The following NOVA1 variants were observed in gnomAD, a reference collection of about 807,000 sequenced individuals.
NOVA1 encodes the protein RNA-binding protein Nova-1.
In NOVA1, 7 loss-of-function variants were observed where a neutral mutation model predicts 38.0. The ratio of observed to expected loss-of-function variants is 0.18; its 90% CI spans 0.10 to 0.35. The LOEUF is 0.35. Among genes scored for constraint, NOVA1 ranks in the 10% least tolerant of loss-of-function variants. The pLI is 1.00. For synonymous variants in NOVA1, 270 were observed against 232.5 expected (o/e 1.16, Z -1.47); for missense variants, 460 against 616.0 (o/e 0.75, Z 2.68).
chr14:26,578,492 G>A lies in NOVA1; in HGVS notation c.280+16918C>T, dbSNP rs141386452. On this transcript the variant is annotated intron_variant, in intron 2 of 4. Transcript: ENST00000539517. ...CTAAGTAGGTAAGATGGAATGGAAT[G>A]GAATATAGAAAAAAAGTAGAGGTAG... is the stretch of plus-strand genomic sequence containing the variant. 1.8e-3 allele frequency among the ~76,000 whole-genome samples: 271 copies of A among 152,022 alleles called. 1 individual carries two copies. The highest frequency in any genetic ancestry group is 6.2e-3 in the African/African-American group (259 of 41,494).
At chr14:26,565,033 T>C (rs1013793050) in intron 2 of NOVA1, among the ~76,000 whole-genome samples, 1 of 152,156 alleles carries the variant, frequency 6.6e-6, no homozygotes, top group African/African-American at 2.4e-5. Flanking sequence ...GGAAAGTAGC[T>C]ACAGGTGTAG....
chr14:26,479,010 T>A (rs1885216951), intron 3 of NOVA1: 1 of 151,860 alleles, frequency 6.6e-6, no homozygotes, highest in Non-Finnish European at 1.5e-5. Flanking sequence ...CATAACACTG[T>A]TCAGTATAAT....
chr14:26,472,482 A>G (rs925874635), intron 3 of NOVA1, 91 bp from the exon 4 acceptor site: 2 of 541,500 alleles, frequency 3.7e-6, no homozygotes, highest in Non-Finnish European at 5.9e-6. Context: ...AATGTAATAT[A>G]ACGAGAACAA....
chr14:26,504,552 G>C (rs1166133873), intron 2 of NOVA1, among the ~76,000 whole-genome samples: 1 of 152,098 alleles, frequency 6.6e-6, no homozygotes, highest in East Asian at 1.9e-4. Flanking sequence ...GCTAAAGCAG[G>C]TAGTCCTCTG....
intron 2 of NOVA1, among the ~76,000 whole-genome samples, chr14:26,542,553 G>C (rs1890528137): frequency 6.6e-6 from 1 of 151,784 alleles, no homozygotes; most frequent in African/African-American, 2.4e-5. Context: ...ATGTCTGAAT[G>C]AAACAGAACT....
At chr14:26,503,742 A>C (rs2138418698) in intron 2 of NOVA1, among the ~76,000 whole-genome samples, 1 of 152,226 alleles carries the variant, frequency 6.6e-6, no homozygotes, top group South Asian at 2.1e-4. Flanking sequence ...CTTAGGGTTC[A>C]ACATCCAGAG....
At chr14:26,529,057 C>T (rs1356817469) in intron 2 of NOVA1, among the ~76,000 whole-genome samples, 1 of 151,974 alleles carries the variant, frequency 6.6e-6, no homozygotes, top group Non-Finnish European at 1.5e-5. Flanking sequence ...CCCGATCACC[C>T]TACTAGGAGG....
chr14:26,584,573 C>T (rs1421020227), intron 2 of NOVA1, among the ~76,000 whole-genome samples: 1 of 151,192 alleles, frequency 6.6e-6, no homozygotes, highest in East Asian at 1.9e-4. Flanking sequence ...ATCTATAGTG[C>T]CTCCTACCAC....
intron 4 of NOVA1, among the ~76,000 whole-genome samples, chr14:26,468,573 C>T (rs963117856): frequency 6.6e-6 from 1 of 152,092 alleles, no homozygotes; most frequent in Non-Finnish European, 1.5e-5. Context: ...AAAACTAATA[C>T]AGGATTGAAA....
At chr14:26,513,703 A>G (rs1888263007) in intron 2 of NOVA1, among the ~76,000 whole-genome samples, 1 of 151,774 alleles carries the variant, frequency 6.6e-6, no homozygotes, top group Admixed American at 6.6e-5. Flanking sequence ...AAAACAGATA[A>G]AAATACTGAT....
At position 26,459,461 on chromosome 14, in the gene NOVA1, C is replaced by G. The variant is rs144420132; in HGVS notation, c.520-10498G>C. Among the ~76,000 whole-genome samples, 538 of 152,080 alleles carry G rather than the reference C, an allele frequency of 3.5e-3. 4 individuals are homozygous for G. The highest frequency in any genetic ancestry group is 0.012 in the African/African-American group (510 of 41,500). On this transcript the variant is annotated intron_variant, in intron 4 of 4. Transcript: ENST00000539517. Reference sequence around the variant, plus strand: ...GTAAGTACATTCCATGATGTATGCACAATGACAGAAACACCTAATGCTGCA... The same window carrying G: ...GTAAGTACATTCCATGATGTATGCAGAATGACAGAAACACCTAATGCTGCA...
chr14:26,532,512 A>G (rs778919498), intron 2 of NOVA1, among the ~76,000 whole-genome samples: 4 of 152,166 alleles, frequency 2.6e-5, no homozygotes, highest in Admixed American at 6.5e-5. Context: ...CTGATTGCCT[A>G]TGGCAGGAGG....
intron 2 of NOVA1, among the ~76,000 whole-genome samples, chr14:26,483,988 T>A (rs1174746566): frequency 6.6e-6 from 1 of 152,162 alleles, no homozygotes; most frequent in African/African-American, 2.4e-5. Context: ...TTACAGAAAG[T>A]GTCATTTTTT....
intron 2 of NOVA1, among the ~76,000 whole-genome samples, chr14:26,557,235 G>C (rs143110489): frequency 1.3e-5 from 2 of 152,162 alleles, no homozygotes; most frequent in South Asian, 4.1e-4. Flanking sequence ...CCTTAGGGAA[G>C]TGAAAATTAA....
chr14:26,564,102 GT>G (rs1316212816), intron 2 of NOVA1, among the ~76,000 whole-genome samples: 1 of 152,042 alleles, frequency 6.6e-6, no homozygotes, highest in Non-Finnish European at 1.5e-5. Flanking sequence ...GGTCTTTAGT[GT>G]TTTGCTCTAC....
At chr14:26,504,780 A>AG (rs1887506489) in intron 2 of NOVA1, among the ~76,000 whole-genome samples, 1 of 151,780 alleles carries the variant, frequency 6.6e-6, no homozygotes, top group Non-Finnish European at 1.5e-5. Context: ...AGTAAGTTAA[A>AG]AAAAAAAAAT....
At chr14:26,542,193 T>C (rs1890505777) in intron 2 of NOVA1, among the ~76,000 whole-genome samples, 1 of 151,946 alleles carries the variant, frequency 6.6e-6, no homozygotes, top group Non-Finnish European at 1.5e-5. Context: ...AGTTGATTTA[T>C]CATCTTTCAG....
chr14:26,486,696 CAAAAAAAAAAA>C (rs59078775), intron 2 of NOVA1, among the ~76,000 whole-genome samples: 3 of 23,106 alleles, frequency 1.3e-4, no homozygotes, highest in Non-Finnish European at 2.1e-4. Flanking sequence ...GTGACAGACT[CAAAAAAAAAAA>C]AAAAAAAAAA....
At chr14:26,528,760 G>C (rs1377735391) in intron 2 of NOVA1, among the ~76,000 whole-genome samples, 2 of 152,154 alleles carry the variant, frequency 1.3e-5, no homozygotes, top group East Asian at 3.9e-4. Flanking sequence ...TCGGGACACT[G>C]TTATGATTCC....
Sources: allele counts gnomAD v4.1 joint callset (sites outside exome capture counted in the v4.1 genomes callset), GRCh38; gene constraint gnomAD v4.1.1; transcripts MANE v1.5; gene names NCBI Gene and HGNC (gene_info 2026-07-23, HGNC 2026-07-21).